ROBO1: variants seen among roughly 807,000 people sequenced by gnomAD.
ROBO1 encodes the protein roundabout guidance receptor 1.
In ROBO1, 149 loss-of-function variants were observed where a neutral mutation model predicts 195.9. The ratio of observed to expected loss-of-function variants is 0.76; its 90% CI spans 0.67 to 0.87. ROBO1 has a LOEUF of 0.87. ROBO1 is among the 40% of genes least tolerant of loss of function. The pLI is 0.00. For synonymous variants in ROBO1, 816 were observed against 733.2 expected, an observed-to-expected ratio of 1.11 and a Z score of -1.82; for missense variants, 1,933 against 2,068.3, an observed-to-expected ratio of 0.93 and a Z score of 1.27.
In ROBO1 at chr3:78,884,623, G is replaced by GAA. The variant is rs368945998; in HGVS notation, c.499+53977_499+53978insTT. Among the ~76,000 whole-genome samples the GAA allele has an allele frequency of 1.1e-3, 110 of 96,590 alleles. 2 individuals are homozygous for GAA. The highest frequency in any genetic ancestry group is 3.7e-3 in the African/African-American group (86 of 23,092). 63.4% of individuals were successfully genotyped at this position (96,590 alleles called of 152,430 possible). ...AAAGAGAGAAAGAGAGAAAGAAAGAGAGAAAGAAAGAGAAAGAAAGAAAGA... is the reference window on the plus strand; with the variant it reads ...AAAGAGAGAAAGAGAGAAAGAAAGAGAAAGAAAGAAAGAGAAAGAAAGAAAGA... On this transcript the variant is annotated intron_variant, in intron 4 of 30. Coordinates refer to ENST00000464233, the MANE Select transcript of ROBO1 (RefSeq NM_002941.4).
chr3:78,781,083 C>T (rs1046181478), intron 4 of ROBO1, among the ~76,000 whole-genome samples: 2 of 152,094 alleles, frequency 1.3e-5, no homozygotes, highest in African/African-American at 2.4e-5. Context: ...TAAATACAAA[C>T]GGATTTCAGC....
At chr3:78,887,414 T>C (rs2036630691) in intron 4 of ROBO1, among the ~76,000 whole-genome samples, 1 of 152,158 alleles carries the variant, frequency 6.6e-6, no homozygotes, top group South Asian at 2.1e-4. Context: ...AAGCTTAACA[T>C]AAGCTATAAA....
intron 1 of ROBO1, among the ~76,000 whole-genome samples, chr3:79,662,294 C>T (rs951021226): frequency 6.6e-6 from 1 of 152,214 alleles, no homozygotes; most frequent in African/African-American, 2.4e-5. Flanking sequence ...TTCCTGCCAA[C>T]TGATGCTTCC....
chr3:79,615,160 T>G (rs981518249), intron 1 of ROBO1, among the ~76,000 whole-genome samples: 1 of 152,132 alleles, frequency 6.6e-6, no homozygotes, highest in Non-Finnish European at 1.5e-5. Context: ...ATACTTAAGA[T>G]GATCTTTTCT....
At chr3:78,905,932 A>G (rs1358177880) in intron 4 of ROBO1, among the ~76,000 whole-genome samples, 2 of 152,156 alleles carry the variant, frequency 1.3e-5, no homozygotes, top group East Asian at 1.9e-4. Flanking sequence ...TGTTTAAACC[A>G]CTATGACAGA....
intron 5 of ROBO1, among the ~76,000 whole-genome samples, chr3:78,743,504 T>G (rs1178907740): frequency 6.6e-6 from 1 of 152,160 alleles, no homozygotes; most frequent in African/African-American, 2.4e-5. Flanking sequence ...CGCTTTGCCT[T>G]TCTATCTGCA....
At chr3:78,660,538 T>A (rs1272939466) in intron 16 of ROBO1, 1 of 152,798 alleles carries the variant, frequency 6.5e-6, no homozygotes, top group Non-Finnish European at 1.5e-5. Flanking sequence ...TTTATGTAAA[T>A]ATTGTTTAAT....
At chr3:78,769,812 C>G (rs2083325854) in intron 4 of ROBO1, among the ~76,000 whole-genome samples, 1 of 152,026 alleles carries the variant, frequency 6.6e-6, no homozygotes, top group Non-Finnish European at 1.5e-5. Flanking sequence ...CTGAAAATAA[C>G]TGTATCTTTC....
intron 2 of ROBO1, among the ~76,000 whole-genome samples, chr3:79,235,682 CT>C (rs2082394865): frequency 6.6e-6 from 1 of 152,050 alleles, no homozygotes; most frequent in South Asian, 2.1e-4. Context: ...GTGCTGTTTC[CT>C]TTTCCCACCA....
At chr3:78,648,809 T>A (rs1217125782) in intron 19 of ROBO1, among the ~76,000 whole-genome samples, 1 of 152,120 alleles carries the variant, frequency 6.6e-6, no homozygotes, top group Non-Finnish European at 1.5e-5. Flanking sequence ...GCCAGAATTA[T>A]ATTTTCTATT....
At chr3:79,009,255 G>A (rs2108198593) in intron 3 of ROBO1, among the ~76,000 whole-genome samples, 1 of 151,550 alleles carries the variant, frequency 6.6e-6, no homozygotes, top group African/African-American at 2.4e-5. Context: ...CGCCCAGCCT[G>A]AAGTATATTT....
At chr3:79,323,867 T>C (rs1254445324) in intron 2 of ROBO1, among the ~76,000 whole-genome samples, 1 of 152,166 alleles carries the variant, frequency 6.6e-6, no homozygotes, top group Non-Finnish European at 1.5e-5. Context: ...AACCCAGTAG[T>C]ATAGATGTAT....
chr3:78,847,012 G>A (rs1186199779), intron 4 of ROBO1, among the ~76,000 whole-genome samples: 1 of 152,138 alleles, frequency 6.6e-6, no homozygotes, highest in Non-Finnish European at 1.5e-5. Flanking sequence ...CAATGATGGA[G>A]AAGGCGATAA....
At chr3:79,109,319 C>G (rs1368577617) in intron 3 of ROBO1, among the ~76,000 whole-genome samples, 1 of 151,810 alleles carries the variant, frequency 6.6e-6, no homozygotes, top group East Asian at 1.9e-4. Flanking sequence ...TGTAATAATT[C>G]TTAAGAATTA....
intron 4 of ROBO1, among the ~76,000 whole-genome samples, chr3:78,856,217 T>C (rs2034416897): frequency 6.6e-6 from 1 of 151,452 alleles, no homozygotes; most frequent in Non-Finnish European, 1.5e-5. Flanking sequence ...ATTATACATT[T>C]TTACATGGAA....
intron 1 of ROBO1, among the ~76,000 whole-genome samples, chr3:79,760,497 C>A (rs1289844602): frequency 9.0e-4 from 103 of 114,706 alleles, no homozygotes; most frequent in South Asian, 2.3e-3. Flanking sequence ...AATGCAATAC[C>A]AAAAAAAAAA....
chr3:79,612,983 T>G (rs1052409282), intron 1 of ROBO1, among the ~76,000 whole-genome samples: 3 of 151,632 alleles, frequency 2.0e-5, no homozygotes, highest in African/African-American at 7.2e-5. Context: ...CTACACATTT[T>G]TAAGGATGGA....
At chr3:79,397,194 T>C (rs2037188943) in intron 2 of ROBO1, among the ~76,000 whole-genome samples, 1 of 150,986 alleles carries the variant, frequency 6.6e-6, no homozygotes, top group Non-Finnish European at 1.5e-5. Context: ...GACTTGCAGA[T>C]ATGTGTATAT....
At chr3:79,563,696 A>G (rs1324438806) in intron 2 of ROBO1, among the ~76,000 whole-genome samples, 1 of 152,098 alleles carries the variant, frequency 6.6e-6, no homozygotes, top group African/African-American at 2.4e-5. Flanking sequence ...AGTTGCTTGA[A>G]TTGCGTATCT....
Sources: allele counts gnomAD v4.1 joint callset (sites outside exome capture counted in the v4.1 genomes callset), GRCh38; gene constraint gnomAD v4.1.1; transcripts MANE v1.5; gene names NCBI Gene and HGNC (gene_info 2026-07-23, HGNC 2026-07-21).